CNTNAP2: variants seen among roughly 807,000 people sequenced by gnomAD.
CNTNAP2 encodes contactin-associated protein-like 2.
Under a neutral mutation model 155.2 loss-of-function variants are expected in CNTNAP2, and 98 were observed. That is an observed-to-expected ratio of 0.63 (90% confidence interval 0.54 to 0.75). CNTNAP2 has a LOEUF of 0.75. CNTNAP2 is among the 30% of genes least tolerant of loss of function. The pLI, the probability that CNTNAP2 is intolerant of heterozygous loss-of-function variation, is 0.00. For synonymous variants in CNTNAP2, 651 were observed against 631.2 expected (o/e 1.03, Z -0.47); for missense variants, 1,727 against 1,688.1 (o/e 1.02, Z -0.40).
intron 3 of CNTNAP2, among the ~76,000 whole-genome samples, chr7:146,844,548 A>G (rs1803806344): frequency 6.6e-6 from 1 of 152,142 alleles, no homozygotes; most frequent in African/African-American, 2.4e-5. Context: ...AGCATTTTGT[A>G]TCAGAAGTCC....
chr7:147,180,092 G>C (rs1004569683), intron 8 of CNTNAP2, among the ~76,000 whole-genome samples: 3 of 152,096 alleles, frequency 2.0e-5, no homozygotes. Flanking sequence ...CTGAAAGAGG[G>C]AGGCAGGTGC....
chr7:147,563,985 GATA>G (rs1304427182), intron 12 of CNTNAP2, among the ~76,000 whole-genome samples: 1 of 152,086 alleles, frequency 6.6e-6, no homozygotes. Flanking sequence ...ATGTGGAGAA[GATA>G]ATAAAATGGA....
rs561280405 is a variant in CNTNAP2, at chr7:147,936,625, A to G, written c.2255+32904A>G. On this transcript the variant is annotated intron_variant, in intron 14 of 23. Transcript: ENST00000361727. The stretch of plus-strand genomic sequence containing the variant: ...CCCTCCCCTCCCTCATTTTGAGGGT[A>G]TAATAAATGTGTTTCTCCTTTTTCT... Among the ~76,000 whole-genome samples, 55 of 152,134 alleles carry G rather than the reference A, an allele frequency of 3.6e-4. 2 individuals carry two copies. Among genetic ancestry groups the G allele is most frequent in the Middle Eastern group, 3.2e-3 (1 of 316 alleles).
At chr7:146,545,626 A>G (rs977004177) in intron 1 of CNTNAP2, among the ~76,000 whole-genome samples, 1 of 151,918 alleles carries the variant, frequency 6.6e-6, no homozygotes, top group Admixed American at 6.6e-5. Flanking sequence ...TTTGCTGAGA[A>G]TGATGGTTGC....
At chr7:146,600,103 G>C (rs983040373) in intron 1 of CNTNAP2, among the ~76,000 whole-genome samples, 1 of 151,878 alleles carries the variant, frequency 6.6e-6, no homozygotes, top group Non-Finnish European at 1.5e-5. Context: ...CACAATACTG[G>C]TTAAAGAGGT....
chr7:146,705,909 G>T (rs540442824), intron 1 of CNTNAP2, among the ~76,000 whole-genome samples: 2 of 152,164 alleles, frequency 1.3e-5, no homozygotes, highest in African/African-American at 4.8e-5. Context: ...CTCATTCTTA[G>T]GATTAGGATT....
chr7:146,845,479 AT>A (rs771629992), intron 3 of CNTNAP2, among the ~76,000 whole-genome samples: 1 of 152,174 alleles, frequency 6.6e-6, no homozygotes, highest in Non-Finnish European at 1.5e-5. Flanking sequence ...AAGTAAAGAA[AT>A]TTTTCAAGCT....
intron 9 of CNTNAP2, among the ~76,000 whole-genome samples, chr7:147,355,712 C>A (rs947981177): frequency 6.6e-6 from 1 of 152,120 alleles, no homozygotes; most frequent in Non-Finnish European, 1.5e-5. Context: ...TTCCTGGACA[C>A]ATACACCCAC....
intron 3 of CNTNAP2, among the ~76,000 whole-genome samples, chr7:146,927,838 T>A (rs1481177136): frequency 1.3e-5 from 2 of 151,758 alleles, no homozygotes; most frequent in Non-Finnish European, 2.9e-5. Flanking sequence ...ATTTCACAGG[T>A]GTAAATGGAA....
At position 146,313,177 on chromosome 7, in the gene CNTNAP2, A is replaced by G. The variant is rs900083171; in HGVS notation, c.97+196204A>G. On this transcript the variant is annotated intron_variant, in intron 1 of 23. Transcript: ENST00000361727. ...GTACTAATATACTTTCCCATCAACA[A>G]TGTACAAGGGTTACCTTTTCTCCAC... Among the ~76,000 whole-genome samples the G allele has an allele frequency of 3.9e-5, 6 of 152,160 alleles. 1 individual carries two copies. Among genetic ancestry groups the G allele is most frequent in the Non-Finnish European group, 5.9e-5 (4 of 68,028 alleles).
chr7:146,996,895 T>C (rs542045269), intron 3 of CNTNAP2, among the ~76,000 whole-genome samples: 1 of 152,204 alleles, frequency 6.6e-6, no homozygotes, highest in East Asian at 1.9e-4. Flanking sequence ...CCCCATACTG[T>C]TCTCGTGGCA....
At chr7:148,346,860 C>A (rs1470549180) in intron 21 of CNTNAP2, among the ~76,000 whole-genome samples, 1 of 151,920 alleles carries the variant, frequency 6.6e-6, no homozygotes, top group Non-Finnish European at 1.5e-5. Context: ...TGCAATAATA[C>A]TAGATGGTTA....
At chr7:146,798,847 A>G (rs1363719880) in intron 2 of CNTNAP2, among the ~76,000 whole-genome samples, 2 of 152,190 alleles carry the variant, frequency 1.3e-5, no homozygotes, top group Non-Finnish European at 2.9e-5. Context: ...CCACATTTTC[A>G]TACCCAGCTA....
chr7:146,468,383 C>G (rs929841076), intron 1 of CNTNAP2, among the ~76,000 whole-genome samples: 20 of 150,828 alleles, frequency 1.3e-4, no homozygotes, highest in African/African-American at 4.9e-4. Flanking sequence ...CAGAATCATG[C>G]AATACACCCA....
chr7:148,258,303 C>T (rs111533776), intron 20 of CNTNAP2, among the ~76,000 whole-genome samples: 12 of 152,218 alleles, frequency 7.9e-5, no homozygotes, highest in Non-Finnish European at 1.6e-4. Context: ...AACAGAGCTG[C>T]AACCCTGGAC....
intron 1 of CNTNAP2, among the ~76,000 whole-genome samples, chr7:146,193,825 C>G (rs1798740677): frequency 6.6e-6 from 1 of 152,182 alleles, no homozygotes; most frequent in Non-Finnish European, 1.5e-5. Flanking sequence ...ATTTTCCAAA[C>G]TTTTATGCTC....
At chr7:147,129,407 C>G (rs1461355354) in intron 7 of CNTNAP2, among the ~76,000 whole-genome samples, 2 of 152,018 alleles carry the variant, frequency 1.3e-5, no homozygotes, top group African/African-American at 4.8e-5. Context: ...TTTTTTCTGC[C>G]TTTTGTGTGA....
chr7:146,257,473 T>A (rs1185247063), intron 1 of CNTNAP2, among the ~76,000 whole-genome samples: 1 of 152,236 alleles, frequency 6.6e-6, no homozygotes, highest in Admixed American at 6.5e-5. Context: ...GACTTTCCAT[T>A]TTCAAAAACT....
intron 9 of CNTNAP2, among the ~76,000 whole-genome samples, chr7:147,392,462 T>TA (rs1250676429): frequency 6.6e-6 from 1 of 152,038 alleles, no homozygotes; most frequent in African/African-American, 2.4e-5. Context: ...CCCATCACCT[T>TA]AGCGGTATAC....
Sources: allele counts gnomAD v4.1 joint callset (sites outside exome capture counted in the v4.1 genomes callset), GRCh38; gene constraint gnomAD v4.1.1; transcripts MANE v1.5; gene names NCBI Gene and HGNC (gene_info 2026-07-23, HGNC 2026-07-21).